Variants in PDE11A observed in about 807,000 individuals in gnomAD.
The protein encoded by PDE11A is phosphodiesterase 11A, also known as dual 3',5'-cyclic-AMP and -GMP phosphodiesterase 11A.
In PDE11A, 100 loss-of-function variants were observed where a neutral mutation model predicts 100.5. The observed-to-expected ratio is 1.00, with a 90% CI of 0.85 to 1.18. The LOEUF (loss-of-function observed/expected upper bound fraction) is 1.18, where lower values mean the gene tolerates loss of function less well. Ranked by LOEUF, PDE11A falls within the 50% of genes most tolerant of loss-of-function variation. The probability of loss-of-function intolerance (pLI) is 0.00; values close to 1 mark genes in which losing one functional copy is unlikely to be tolerated. For missense variants in PDE11A, 1,141 were observed against 1,152.6 expected, an observed-to-expected ratio of 0.99 and a Z score of 0.15; for synonymous variants, 381 against 420.8, an observed-to-expected ratio of 0.91 and a Z score of 1.16.
intron 10 of PDE11A, among the ~76,000 whole-genome samples, chr2:177,748,370 T>C (rs1463791021): frequency 6.6e-6 from 1 of 152,188 alleles, no homozygotes; most frequent in Non-Finnish European, 1.5e-5. Context: ...GTAGACAGAT[T>C]GTAAATTTAT....
chr2:178,103,602 T>C (rs1413403208), intron 2 of PDE11A, among the ~76,000 whole-genome samples: 1 of 151,890 alleles, frequency 6.6e-6, no homozygotes, highest in African/African-American at 2.4e-5. Flanking sequence ...TGCCAACCTA[T>C]AAGATATGCT....
chr2:177,964,514 A>G (rs1174318614), intron 2 of PDE11A, among the ~76,000 whole-genome samples: 2 of 152,078 alleles, frequency 1.3e-5, no homozygotes, highest in Non-Finnish European at 2.9e-5. Flanking sequence ...CCTGATAGGT[A>G]GTTTTTTGAT....
chr2:178,017,135 T>G (rs1173986035), intron 1 of PDE11A, among the ~76,000 whole-genome samples: 1 of 152,282 alleles, frequency 6.6e-6, no homozygotes, highest in African/African-American at 2.4e-5. Flanking sequence ...TTTATTCTTT[T>G]GAAAAGATTG....
chr2:177,687,607 C>T (rs1292676980), intron 15 of PDE11A: 1 of 152,090 alleles, frequency 6.6e-6, no homozygotes, highest in Non-Finnish European at 1.5e-5. Context: ...TCTAATATTT[C>T]TTGCTATTAC....
intron 2 of PDE11A, among the ~76,000 whole-genome samples, chr2:177,963,522 G>A (rs2695103): frequency 0.56 from 85,499 of 151,954 alleles, 26,733 homozygotes; most frequent in African/African-American, 0.84. Flanking sequence ...AAGTCCAGTG[G>A]AGTGAATAGA....
In PDE11A at chr2:178,072,307, T is replaced by C. The variant is rs1419449582; in HGVS notation, c.131A>G (p.Gln44Arg). 7.4e-6 allele frequency: 12 copies of C among 1,613,984 alleles called. No individual in the cohort carries two copies. In the Middle Eastern group the frequency reaches 4.9e-4, roughly 66 times the overall value. ...MVEKWLQRHS[Q>R]GQGALGPRPS... is the part of the protein sequence containing the mutation. ...CCTTGGACCTAAAGCCCCCTGACCC[T>C]GACTGTGCCTCTGCAGCCACTTTTC... Residue 44 changes from glutamine (Q) to arginine (R), a missense_variant, in exon 1 of 20, where the codon CAG becomes CGG. Gln to Arg is a conservative substitution (Grantham distance 43). Transcript: ENST00000286063.
At chr2:177,998,033 G>A (rs143122404) in intron 2 of PDE11A, 2 of 1,254,716 alleles carry the variant, frequency 1.6e-6, no homozygotes, top group East Asian at 2.3e-5. Flanking sequence ...GAGAAGAAGG[G>A]TACTGCCTGC....
intron 2 of PDE11A, among the ~76,000 whole-genome samples, chr2:178,086,004 C>T (rs1327025579): frequency 6.6e-6 from 1 of 152,190 alleles, no homozygotes; most frequent in Non-Finnish European, 1.5e-5. Flanking sequence ...GGGCTGAAGT[C>T]ACCTGGAGAC....
At chr2:177,705,924 T>C (rs1267356273) in intron 13 of PDE11A, among the ~76,000 whole-genome samples, 1 of 152,172 alleles carries the variant, frequency 6.6e-6, no homozygotes, top group East Asian at 1.9e-4. Context: ...ACAAAGCTGC[T>C]TGGTACTGAT....
intron 2 of PDE11A, among the ~76,000 whole-genome samples, chr2:177,966,172 T>C (rs947347277): frequency 1.3e-5 from 2 of 152,194 alleles, no homozygotes; most frequent in South Asian, 4.1e-4. Context: ...ATTGCTGGTA[T>C]ATAGAAACGT....
At chr2:178,066,432 TG>T (rs2087044984) in intron 1 of PDE11A, among the ~76,000 whole-genome samples, 1 of 152,176 alleles carries the variant, frequency 6.6e-6, no homozygotes, top group African/African-American at 2.4e-5. Flanking sequence ...CATAGTCCAA[TG>T]GAACAATGGA....
At chr2:178,017,131 C>A (rs559446436) in intron 1 of PDE11A, among the ~76,000 whole-genome samples, 1 of 152,314 alleles carries the variant, frequency 6.6e-6, no homozygotes, top group South Asian at 2.1e-4. Flanking sequence ...ATAATTTATT[C>A]TTTTGAAAAG....
intron 13 of PDE11A, among the ~76,000 whole-genome samples, chr2:177,709,544 G>A (rs1003744133): frequency 2.0e-5 from 3 of 152,208 alleles, no homozygotes; most frequent in Non-Finnish European, 4.4e-5. Flanking sequence ...AATGGAATAA[G>A]TGCCTGGAGA....
intron 19 of PDE11A, among the ~76,000 whole-genome samples, chr2:177,651,072 C>T (rs2080301168): frequency 6.6e-6 from 1 of 152,126 alleles, no homozygotes; most frequent in Non-Finnish European, 1.5e-5. Flanking sequence ...GTTTTCACAT[C>T]TGAAATAAAA....
chr2:177,711,109 A>C (rs923441921), intron 13 of PDE11A, among the ~76,000 whole-genome samples: 7 of 152,234 alleles, frequency 4.6e-5, no homozygotes, highest in Admixed American at 3.3e-4. Flanking sequence ...CCTTGGCCAC[A>C]GTATGAGCCA....
chr2:177,786,702 T>C (rs1214136937), intron 9 of PDE11A, among the ~76,000 whole-genome samples: 1 of 152,162 alleles, frequency 6.6e-6, no homozygotes, highest in Non-Finnish European at 1.5e-5. Context: ...AAGGAGCTGA[T>C]GGAGCTGAAA....
intron 2 of PDE11A, among the ~76,000 whole-genome samples, chr2:177,997,035 C>A (rs868233912): frequency 6.6e-6 from 1 of 152,168 alleles, no homozygotes; most frequent in South Asian, 2.1e-4. Context: ...CAACCATGGT[C>A]TGTTACAAAA....
intron 19 of PDE11A, among the ~76,000 whole-genome samples, chr2:177,631,499 AAAAAAAAAAAAAAAT>A (rs2079926991): frequency 3.4e-5 from 1 of 29,132 alleles, no homozygotes; most frequent in African/African-American, 1.1e-4. Flanking sequence ...AAAAAAAAAA[AAAAAAAAAAAAAAAT>A]ATATATATAT....
intron 19 of PDE11A, among the ~76,000 whole-genome samples, chr2:177,634,390 C>CTTTTT (rs776055378): frequency 2.1e-4 from 31 of 146,420 alleles, no homozygotes; most frequent in African/African-American, 6.3e-4. Context: ...TTCTCTCTCT[C>CTTTTT]TTTTTTTTTT....
Sources: gnomAD v4.1 joint callset for allele counts (sites outside exome capture counted in the v4.1 genomes callset) on GRCh38, gnomAD v4.1.1 for gene constraint, MANE v1.5 for transcripts, NCBI Gene and HGNC (gene_info 2026-07-23, HGNC 2026-07-21) for gene names.